PPP2R2B: variants seen among roughly 807,000 people sequenced by gnomAD.
PPP2R2B encodes the protein serine/threonine-protein phosphatase 2A 55 kDa regulatory subunit B beta isoform.
In PPP2R2B, 5 loss-of-function variants were observed where a neutral mutation model predicts 46.0. The ratio of observed to expected loss-of-function variants is 0.11; its 90% CI spans 0.06 to 0.23. The LOEUF is 0.23. PPP2R2B is among the 10% of genes least tolerant of loss of function. The pLI, the probability that PPP2R2B is intolerant of heterozygous loss-of-function variation, is 1.00. For missense variants in PPP2R2B, 367 were observed against 575.0 expected (o/e 0.64, Z 3.70); for synonymous variants, 215 against 206.7 (o/e 1.04, Z -0.34).
chr5:146,794,539 C>A (rs1051487753), intron 2 of PPP2R2B, among the ~76,000 whole-genome samples: 1 of 152,142 alleles, frequency 6.6e-6, no homozygotes, highest in South Asian at 2.1e-4. Context: ...TATGAATGCC[C>A]ACTTCCTTTT....
intron 1 of PPP2R2B, among the ~76,000 whole-genome samples, chr5:146,949,581 T>C (rs1374313301): frequency 2.0e-5 from 3 of 152,044 alleles, no homozygotes; most frequent in African/African-American, 7.2e-5. Context: ...TGTAAATTAG[T>C]ACAACCACTA....
chr5:146,636,985 G>A (rs1774871234), intron 7 of PPP2R2B, among the ~76,000 whole-genome samples: 1 of 152,104 alleles, frequency 6.6e-6, no homozygotes, highest in South Asian at 2.1e-4. Flanking sequence ...TTCCCTGTGA[G>A]GTCTGTTTCA....
chr5:146,665,492 A>G (rs567779908), intron 5 of PPP2R2B, among the ~76,000 whole-genome samples: 73 of 152,344 alleles, frequency 4.8e-4, no homozygotes, highest in African/African-American at 1.4e-3. Flanking sequence ...GCTCTAGGTT[A>G]GACTTCGGCT....
At chr5:146,603,674 T>C (rs1168150765) in intron 7 of PPP2R2B, among the ~76,000 whole-genome samples, 1 of 152,248 alleles carries the variant, frequency 6.6e-6, no homozygotes, top group African/African-American at 2.4e-5. Context: ...GGTAATAGCA[T>C]TTAATAGTAT....
intron 1 of PPP2R2B, among the ~76,000 whole-genome samples, chr5:146,990,725 C>G (rs1753661439): frequency 1.3e-5 from 2 of 151,866 alleles, no homozygotes; most frequent in Non-Finnish European, 2.9e-5. Context: ...GGGATAATAT[C>G]AAACTAAAAA....
At chr5:146,919,059 G>A (rs868117001) in intron 1 of PPP2R2B, among the ~76,000 whole-genome samples, 1 of 152,060 alleles carries the variant, frequency 6.6e-6, no homozygotes, top group Non-Finnish European at 1.5e-5. Flanking sequence ...ATATATGAAA[G>A]TTCCCATTTC....
intron 2 of PPP2R2B, among the ~76,000 whole-genome samples, chr5:146,870,602 C>T (rs183467961): frequency 4.1e-4 from 63 of 152,286 alleles, no homozygotes; most frequent in African/African-American, 1.5e-3. Flanking sequence ...AAAATGCAGT[C>T]TGAGCTGACT....
At chr5:146,854,108 A>G (rs1162365831) in intron 2 of PPP2R2B, among the ~76,000 whole-genome samples, 1 of 152,142 alleles carries the variant, frequency 6.6e-6, no homozygotes, top group African/African-American at 2.4e-5. Flanking sequence ...GTAAGTGCAC[A>G]ATAAATACTT....
At chr5:146,718,573 G>A (rs1218776516) in intron 2 of PPP2R2B, among the ~76,000 whole-genome samples, 1 of 152,126 alleles carries the variant, frequency 6.6e-6, no homozygotes, top group Non-Finnish European at 1.5e-5. Flanking sequence ...CTTCATTCTA[G>A]TTAATAAGGT....
intron 5 of PPP2R2B, among the ~76,000 whole-genome samples, chr5:146,660,841 AT>A (rs1561811948): frequency 1.3e-5 from 2 of 152,224 alleles, no homozygotes. Context: ...CAATCACTGT[AT>A]TAGGTAGTAT....
At chr5:146,659,313 C>T (rs576977558) in intron 5 of PPP2R2B, among the ~76,000 whole-genome samples, 1 of 152,250 alleles carries the variant, frequency 6.6e-6, no homozygotes, top group African/African-American at 2.4e-5. Flanking sequence ...GCTTAGTTAC[C>T]TACTTTAAAA....
At chr5:146,662,416 T>C (rs1453914671) in intron 5 of PPP2R2B, among the ~76,000 whole-genome samples, 1 of 152,194 alleles carries the variant, frequency 6.6e-6, no homozygotes, top group African/African-American at 2.4e-5. Context: ...CAGGGTTACA[T>C]TGTCTGATTC....
intron 1 of PPP2R2B, among the ~76,000 whole-genome samples, chr5:147,018,715 G>A (rs1284070960): frequency 6.6e-6 from 1 of 152,146 alleles, no homozygotes; most frequent in African/African-American, 2.4e-5. Context: ...CCCCTTGCAG[G>A]AGAACAAGGG....
At chr5:147,067,034 C>T (rs1291854639) in intron 2 of PPP2R2B, among the ~76,000 whole-genome samples, 1 of 152,168 alleles carries the variant, frequency 6.6e-6, no homozygotes, top group African/African-American at 2.4e-5. Flanking sequence ...CTAACATCTG[C>T]TAGACGGTCA....
At chr5:146,627,946 C>G (rs1561784590) in intron 7 of PPP2R2B, among the ~76,000 whole-genome samples, 1 of 151,738 alleles carries the variant, frequency 6.6e-6, no homozygotes, top group Non-Finnish European at 1.5e-5. Context: ...AGAAACATCT[C>G]AGATTTTTTT....
intron 2 of PPP2R2B, among the ~76,000 whole-genome samples, chr5:146,754,679 T>C (rs1753740764): frequency 6.6e-6 from 1 of 152,108 alleles, no homozygotes; most frequent in African/African-American, 2.4e-5. Context: ...ATCTCTCTCT[T>C]TCATTCTTTT....
At position 146,651,440 on chromosome 5, in the gene PPP2R2B, G is replaced by A. The variant is rs148516865; in HGVS notation, c.448-716C>T. 2.8e-3 allele frequency among the ~76,000 whole-genome samples: 426 copies of A among 152,298 alleles called. 3 individuals are homozygous for A. Among genetic ancestry groups the A allele is most frequent in the African/African-American group, 0.01 (421 of 41,558 alleles). On this transcript the variant is annotated intron_variant, in intron 5 of 9. Transcript: ENST00000394411. ...ACTTCTCAGTAAGTATTTGTTGAAT[G>A]AGTAAGAATACATGATTAAATGATT... is the stretch of plus-strand genomic sequence containing the variant.
At chr5:146,765,521 G>A (rs887393260) in intron 2 of PPP2R2B, among the ~76,000 whole-genome samples, 1 of 152,194 alleles carries the variant, frequency 6.6e-6, no homozygotes, top group African/African-American at 2.4e-5. Flanking sequence ...AACCCTTTGT[G>A]TTAGCATCTG....
At chr5:147,077,924 T>C (rs1420333574) in intron 2 of PPP2R2B, among the ~76,000 whole-genome samples, 3 of 152,226 alleles carry the variant, frequency 2.0e-5, no homozygotes, top group Admixed American at 6.5e-5. Context: ...TAAGGGCATA[T>C]GTGTAAAATG....
Sources: gnomAD v4.1 joint callset for allele counts (sites outside exome capture counted in the v4.1 genomes callset) on GRCh38, gnomAD v4.1.1 for gene constraint, MANE v1.5 for transcripts, NCBI Gene and HGNC (gene_info 2026-07-23, HGNC 2026-07-21) for gene names.